TANGO6: variants seen among roughly 807,000 people sequenced by gnomAD.
TANGO6 encodes the protein transport and golgi organization 6 homolog, also known as transport and Golgi organization protein 6 homolog.
In TANGO6, 90 loss-of-function variants were observed where a neutral mutation model predicts 114.2. The ratio of observed to expected loss-of-function variants is 0.79; its 90% CI spans 0.66 to 0.94. TANGO6 has a LOEUF of 0.94. Ranked by LOEUF, TANGO6 falls within the 40% of genes least tolerant of loss-of-function variation. The pLI, the probability that TANGO6 is intolerant of heterozygous loss-of-function variation, is 0.00. For synonymous variants in TANGO6, 477 were observed against 509.8 expected, an observed-to-expected ratio of 0.94 and a Z score of 0.87; for missense variants, 1,274 against 1,315.3, an observed-to-expected ratio of 0.97 and a Z score of 0.49.
chr16:69,042,605 C>T (rs1292712833), intron 17 of TANGO6, among the ~76,000 whole-genome samples: 2 of 152,110 alleles, frequency 1.3e-5, no homozygotes, highest in African/African-American at 4.8e-5. Context: ...GGAGCACTCA[C>T]CTGGAAGGAT....
At chr16:69,016,577 A>G (rs965373429) in intron 15 of TANGO6, among the ~76,000 whole-genome samples, 4 of 152,032 alleles carry the variant, frequency 2.6e-5, no homozygotes, top group Admixed American at 1.3e-4. Flanking sequence ...CTCTTGGTTT[A>G]TTTGCAGTAG....
At chr16:68,951,688 C>G (rs1341153223) in intron 14 of TANGO6, among the ~76,000 whole-genome samples, 3 of 150,954 alleles carry the variant, frequency 2.0e-5, no homozygotes, top group African/African-American at 7.3e-5. Context: ...TCTCAGCTCA[C>G]TGCAAGCTCT....
chr16:68,980,409 C>CTCTCTCTCTCTCTCTATATA (rs1408626276), intron 15 of TANGO6, among the ~76,000 whole-genome samples: 3 of 67,988 alleles, frequency 4.4e-5, no homozygotes, highest in African/African-American at 6.6e-5. Context: ...CTCTCTCTCT[C>CTCTCTCTCTCTCTCTATATA]TATATATATA....
At chr16:69,033,356 C>T (rs145940586) in intron 16 of TANGO6, among the ~76,000 whole-genome samples, 16 of 152,276 alleles carry the variant, frequency 1.1e-4, no homozygotes, top group Admixed American at 4.6e-4. Flanking sequence ...AATTCTCCTT[C>T]GTGAGCATCT....
intron 16 of TANGO6, among the ~76,000 whole-genome samples, chr16:69,039,471 A>G (rs1186551411): frequency 6.6e-6 from 1 of 151,952 alleles, no homozygotes; most frequent in Non-Finnish European, 1.5e-5. Flanking sequence ...CCTCATCTCT[A>G]CAAAAAATAA....
At chr16:68,940,464 G>C (rs1279180096) in intron 14 of TANGO6, among the ~76,000 whole-genome samples, 1 of 152,098 alleles carries the variant, frequency 6.6e-6, no homozygotes, top group African/African-American at 2.4e-5. Flanking sequence ...AGGGAAGTAA[G>C]GGTCTCATGA....
At position 68,927,743 on chromosome 16, in the gene TANGO6, A is replaced by G; in HGVS notation, c.2303A>G (p.Asn768Ser). 6.2e-7 allele frequency: 1 copy of G among 1,613,978 alleles called. No individual in the cohort carries two copies. Among genetic ancestry groups the G allele is most frequent in the Non-Finnish European group, 8.5e-7 (1 of 1,179,884 alleles). The part of the protein sequence containing the change: ...AVSMAAQSTL[N>S]RKDLEGKIEE... ...AGCATGGCTGCCCAAAGTACACTGA[A>G]CAGAAAAGATCTGGAAGGGAAAATA... Residue 768 changes from asparagine to serine, a missense_variant, in exon 13 of 18, where the codon AAC (asparagine) becomes AGC (serine). Transcript: ENST00000261778.
intron 14 of TANGO6, among the ~76,000 whole-genome samples, chr16:68,959,327 G>A (rs1335531471): frequency 1.3e-5 from 2 of 152,126 alleles, no homozygotes; most frequent in Non-Finnish European, 1.5e-5. Flanking sequence ...GGTGGCTCAC[G>A]ACTGTAATCC....
At chr16:68,943,147 T>C (rs1010727826) in intron 14 of TANGO6, among the ~76,000 whole-genome samples, 2 of 151,830 alleles carry the variant, frequency 1.3e-5, no homozygotes, top group Non-Finnish European at 2.9e-5. Context: ...GCAATCAGCC[T>C]GCCTCAGTCT....
At chr16:68,954,543 C>T (rs1963507070) in intron 14 of TANGO6, among the ~76,000 whole-genome samples, 1 of 152,216 alleles carries the variant, frequency 6.6e-6, no homozygotes, top group Non-Finnish European at 1.5e-5. Flanking sequence ...AACTCACTGT[C>T]AGGCTATGTA....
chr16:68,882,475 T>G (rs958156959), intron 7 of TANGO6, among the ~76,000 whole-genome samples: 1 of 150,430 alleles, frequency 6.6e-6, no homozygotes, highest in East Asian at 2.0e-4. Flanking sequence ...CCAGCCTGGG[T>G]GACAGAGCGA....
intron 12 of TANGO6, among the ~76,000 whole-genome samples, chr16:68,921,403 C>T (rs988004127): frequency 2.0e-5 from 3 of 151,678 alleles, no homozygotes; most frequent in Admixed American, 1.3e-4. Flanking sequence ...AGGCTGGTCT[C>T]GAACCCCTGA....
At chr16:68,983,576 C>T (rs541767814) in intron 15 of TANGO6, among the ~76,000 whole-genome samples, 1 of 152,198 alleles carries the variant, frequency 6.6e-6, no homozygotes, top group Non-Finnish European at 1.5e-5. Flanking sequence ...AGAAGCCCGG[C>T]CCATGGAGGG....
chr16:68,965,521 G>C (rs1963636757), intron 14 of TANGO6, among the ~76,000 whole-genome samples: 1 of 152,106 alleles, frequency 6.6e-6, no homozygotes. Flanking sequence ...TTAAAAACCT[G>C]CCAGGCGTGG....
At chr16:69,077,235 T>C (rs1960395457) in intron 17 of TANGO6, among the ~76,000 whole-genome samples, 1 of 151,766 alleles carries the variant, frequency 6.6e-6, no homozygotes, top group African/African-American at 2.4e-5. Flanking sequence ...TATTTTTTTT[T>C]AGTAGAGATG....
At chr16:69,072,375 C>T (rs1457070469) in intron 17 of TANGO6, among the ~76,000 whole-genome samples, 1 of 152,070 alleles carries the variant, frequency 6.6e-6, no homozygotes, top group Non-Finnish European at 1.5e-5. Flanking sequence ...CTCCACCTTG[C>T]CCTGGAGTCC....
At chr16:69,043,283 A>AGTGTGTGTGTGTGTGT (rs57443398) in intron 17 of TANGO6, among the ~76,000 whole-genome samples, 3 of 146,642 alleles carry the variant, frequency 2.0e-5, no homozygotes, top group African/African-American at 7.6e-5. Flanking sequence ...AGACAGAGCG[A>AGTGTGTGTGTGTGTGT]GTGTGTGTGT....
intron 17 of TANGO6, among the ~76,000 whole-genome samples, chr16:69,070,880 C>A (rs1960289886): frequency 1.3e-5 from 2 of 151,420 alleles, no homozygotes; most frequent in African/African-American, 4.9e-5. Flanking sequence ...TTCAGGCAAT[C>A]CTCCTGCCTC....
intron 1 of TANGO6, among the ~76,000 whole-genome samples, chr16:68,850,135 G>A (rs960632889): frequency 2.0e-5 from 3 of 151,642 alleles, no homozygotes; most frequent in Admixed American, 6.6e-5. Flanking sequence ...CACCAAGCCC[G>A]GCTAATTTTT....
Sources: gnomAD v4.1 joint callset for allele counts (sites outside exome capture counted in the v4.1 genomes callset) on GRCh38, gnomAD v4.1.1 for gene constraint, MANE v1.5 for transcripts, NCBI Gene and HGNC (gene_info 2026-07-23, HGNC 2026-07-21) for gene names.